The following ARID5B variants were observed in gnomAD, a reference collection of about 807,000 sequenced individuals.
ARID5B encodes the protein AT-rich interaction domain 5B.
In ARID5B, 13 loss-of-function variants were observed where a neutral mutation model predicts 97.2. The ratio of observed to expected loss-of-function variants is 0.13; its 90% confidence interval spans 0.09 to 0.21. The LOEUF is 0.21. Among genes scored for constraint, ARID5B ranks in the 10% least tolerant of loss-of-function variants. The pLI, the probability that ARID5B is intolerant of heterozygous loss-of-function variation, is 1.00. For missense variants in ARID5B, 1,210 were observed against 1,465.3 expected (o/e 0.83, Z 2.84); for synonymous variants, 556 against 570.3 (o/e 0.97, Z 0.36).
At chr10:62,014,416 G>A (rs1426863698) in intron 4 of ARID5B, among the ~76,000 whole-genome samples, 2 of 152,212 alleles carry the variant, frequency 1.3e-5, no homozygotes, top group African/African-American at 4.8e-5. Flanking sequence ...ACAGGAGGCA[G>A]CGTGTGGTAA....
At chr10:62,039,593 A>C (rs1839608053) in intron 4 of ARID5B, among the ~76,000 whole-genome samples, 1 of 152,168 alleles carries the variant, frequency 6.6e-6, no homozygotes, top group African/African-American at 2.4e-5. Flanking sequence ...AGGTGGAGGG[A>C]ATCAGCTTTG....
At chr10:61,955,804 C>T (rs979954063) in intron 3 of ARID5B, among the ~76,000 whole-genome samples, 4 of 152,072 alleles carry the variant, frequency 2.6e-5, no homozygotes, top group African/African-American at 7.2e-5. Flanking sequence ...GCACCTGCCA[C>T]CACGCCCAGC....
At chr10:62,041,304 C>T (rs1839634651) in intron 4 of ARID5B, among the ~76,000 whole-genome samples, 1 of 152,110 alleles carries the variant, frequency 6.6e-6, no homozygotes. Flanking sequence ...GCTCAGAGAC[C>T]ACTGAGGTAC....
At chr10:62,087,456 C>A (rs910452672) in intron 9 of ARID5B, among the ~76,000 whole-genome samples, 4 of 151,114 alleles carry the variant, frequency 2.6e-5, no homozygotes, top group Admixed American at 2.6e-4. Context: ...AAGCCATTAC[C>A]CCCAGCATGT....
intron 4 of ARID5B, among the ~76,000 whole-genome samples, chr10:62,003,114 A>T (rs1015592272): frequency 8.5e-5 from 13 of 152,180 alleles, no homozygotes; most frequent in African/African-American, 2.9e-4. Flanking sequence ...TAACTAATAT[A>T]CTTTTTGCTT....
At chr10:62,016,382 A>T (rs1366252505) in intron 4 of ARID5B, among the ~76,000 whole-genome samples, 2 of 152,240 alleles carry the variant, frequency 1.3e-5, no homozygotes, top group Non-Finnish European at 2.9e-5. Context: ...CACCATTTTT[A>T]TATGTGCCAC....
intron 2 of ARID5B, among the ~76,000 whole-genome samples, chr10:61,911,835 G>T (rs1338592407): frequency 6.6e-6 from 1 of 152,166 alleles, no homozygotes; most frequent in Non-Finnish European, 1.5e-5. Flanking sequence ...CCTTAAGGAA[G>T]GTTCTAGGGT....
chr10:61,949,081 T>A (rs1294824271), intron 3 of ARID5B, among the ~76,000 whole-genome samples: 1 of 152,228 alleles, frequency 6.6e-6, no homozygotes, highest in Non-Finnish European at 1.5e-5. Context: ...TCCTGTAGTT[T>A]TTTACTCTAG....
intron 3 of ARID5B, among the ~76,000 whole-genome samples, chr10:61,948,501 G>C (rs995576873): frequency 6.7e-6 from 1 of 149,122 alleles, no homozygotes; most frequent in South Asian, 2.1e-4. Flanking sequence ...CGAGTAGCTG[G>C]GACTACAGGT....
rs199587188 is a variant in ARID5B at position 61,947,261 on chromosome 10, C to CTTTTTTTTT, written c.502+6870_502+6878dup. Among the ~76,000 whole-genome samples, 267 of 124,240 alleles carry CTTTTTTTTT rather than the reference C, an allele frequency of 2.1e-3. 4 individuals are homozygous for CTTTTTTTTT. The highest frequency in any genetic ancestry group is 4.9e-3 in the Middle Eastern group (1 of 204). 81.5% of individuals were successfully genotyped at this position (124,240 alleles called of 152,430 possible). A position where few individuals can be genotyped will look rare whatever the true frequency, so the allele number is the denominator to read the frequency against. On this transcript the variant is annotated intron_variant, in intron 3 of 9. Coordinates refer to ENST00000279873, the MANE Select transcript of ARID5B (RefSeq NM_032199.3). ...ACCAGTATATCTTCTCACTTACTTT[C>CTTTTTTTTT]TTTTTTTTTTTTTTTTTTTTTTTTT... is the stretch of plus-strand genomic sequence containing the variant.
At chr10:61,919,036 T>TTC (rs1843960095) in intron 2 of ARID5B, among the ~76,000 whole-genome samples, 2 of 63,422 alleles carry the variant, frequency 3.2e-5, no homozygotes, top group Non-Finnish European at 2.8e-5. Context: ...CCTGACTCCG[T>TTC]CCCCCCCCCC....
At chr10:61,997,683 C>T (rs1839020198) in intron 3 of ARID5B, among the ~76,000 whole-genome samples, 1 of 152,138 alleles carries the variant, frequency 6.6e-6, no homozygotes, top group African/African-American at 2.4e-5. Context: ...GAGGGGTAGT[C>T]CTGGCACTTA....
At chr10:62,087,215 C>T (rs952953274) in intron 9 of ARID5B, among the ~76,000 whole-genome samples, 11 of 144,770 alleles carry the variant, frequency 7.6e-5, no homozygotes, top group Admixed American at 2.9e-4. Context: ...AGGAGAATGG[C>T]GTGAACCCAG....
At chr10:62,013,629 A>T (rs1282799727) in intron 4 of ARID5B, among the ~76,000 whole-genome samples, 1 of 151,934 alleles carries the variant, frequency 6.6e-6, no homozygotes, top group Non-Finnish European at 1.5e-5. Flanking sequence ...CTCTACTCCT[A>T]GGAATTCAAC....
intron 4 of ARID5B, among the ~76,000 whole-genome samples, chr10:62,008,723 C>G (rs1184853316): frequency 1.3e-5 from 2 of 152,206 alleles, no homozygotes; most frequent in Non-Finnish European, 2.9e-5. Flanking sequence ...GGCTTCCCAT[C>G]TCATCACAGA....
At chr10:62,090,534 T>A (rs934854463) in intron 9 of ARID5B, among the ~76,000 whole-genome samples, 1 of 152,244 alleles carries the variant, frequency 6.6e-6, no homozygotes, top group Non-Finnish European at 1.5e-5. Flanking sequence ...ATTGACTGAT[T>A]TGACAAGAAG....
At chr10:62,083,964 T>G (rs1840249394) in intron 8 of ARID5B, among the ~76,000 whole-genome samples, 1 of 152,226 alleles carries the variant, frequency 6.6e-6, no homozygotes, top group African/African-American at 2.4e-5. Flanking sequence ...ACATTAACTG[T>G]AATATTACAG....
At chr10:61,991,359 A>AT (rs1293879534) in intron 3 of ARID5B, among the ~76,000 whole-genome samples, 1 of 151,976 alleles carries the variant, frequency 6.6e-6, no homozygotes, top group Non-Finnish European at 1.5e-5. Context: ...AACACTTGGG[A>AT]TTTTTTTCTT....
intron 3 of ARID5B, among the ~76,000 whole-genome samples, chr10:61,986,935 T>C (rs1410862652): frequency 1.3e-5 from 2 of 152,142 alleles, no homozygotes; most frequent in African/African-American, 4.8e-5. Flanking sequence ...AACCCAAGGC[T>C]TAACAAAAGG....
Sources: allele counts gnomAD v4.1 joint callset (sites outside exome capture counted in the v4.1 genomes callset), GRCh38; gene constraint gnomAD v4.1.1; transcripts MANE v1.5; gene names NCBI Gene and HGNC (gene_info 2026-07-23, HGNC 2026-07-21).